The following SCAND3 variants were observed in gnomAD, a reference collection of about 807,000 sequenced individuals.
SCAND3 encodes the protein SCAN domain-containing protein 3.
At chr6:28,610,940 T>C in the SCAND3 span, among the ~76,000 whole-genome samples, 1 of 152,176 alleles carries the variant, frequency 6.6e-6, no homozygotes, top group Non-Finnish European at 1.5e-5. Flanking sequence ...GTGCTCAATT[T>C]AAAATAAAAC....
the SCAND3 span, among the ~76,000 whole-genome samples, chr6:28,609,920 C>A: frequency 6.6e-6 from 1 of 152,166 alleles, no homozygotes; most frequent in Admixed American, 6.5e-5. Flanking sequence ...GACAAACTGA[C>A]CTTCAAGAAA....
the SCAND3 span, among the ~76,000 whole-genome samples, chr6:28,615,666 A>T: frequency 9.7e-4 from 148 of 152,126 alleles, no homozygotes; most frequent in Admixed American, 2.4e-3. Flanking sequence ...CATATACAGT[A>T]GTGAGGAATA....
chr6:28,578,516 C>T, the SCAND3 span, among the ~76,000 whole-genome samples: 2 of 152,220 alleles, frequency 1.3e-5, no homozygotes, highest in African/African-American at 4.8e-5. Context: ...AGTGCTATCT[C>T]AAAATGTGAC....
chr6:28,607,178 G>A, the SCAND3 span, among the ~76,000 whole-genome samples: 5 of 152,262 alleles, frequency 3.3e-5, no homozygotes, highest in Admixed American at 6.5e-5. Flanking sequence ...CAGTGGTAGA[G>A]CGCGTGCTTA....
At chr6:28,593,289 A>G in the SCAND3 span, among the ~76,000 whole-genome samples, 1 of 152,228 alleles carries the variant, frequency 6.6e-6, no homozygotes, top group Non-Finnish European at 1.5e-5. Flanking sequence ...TACAAATGGC[A>G]ATACATATAA....
At chr6:28,593,331 G>A in the SCAND3 span, among the ~76,000 whole-genome samples, 1 of 151,642 alleles carries the variant, frequency 6.6e-6, no homozygotes, top group Admixed American at 6.6e-5. Context: ...TAAGCATGGA[G>A]GAAATGAAAA....
At chr6:28,598,868 C>A in the SCAND3 span, among the ~76,000 whole-genome samples, 1 of 106,154 alleles carries the variant, frequency 9.4e-6, no homozygotes, top group Non-Finnish European at 1.7e-5. Context: ...CAGAGTGAGA[C>A]TATGTCTCAA....
At chr6:28,572,527 C>G in the SCAND3 span, 1 of 1,613,740 alleles carries the variant, frequency 6.2e-7, no homozygotes, top group Non-Finnish European at 8.5e-7. This position sits in a 1 kb window ranked among gnomAD's most constrained non-coding sequence, Gnocchi z 4.1. Flanking sequence ...TGCATTCTTC[C>G]CTTGCATAGA....
chr6:28,574,824 A>G, the SCAND3 span: 1 of 1,614,122 alleles, frequency 6.2e-7, no homozygotes, highest in Non-Finnish European at 8.5e-7. Context: ...AGGGCACTCC[A>G]CAAATTGCAT....
the SCAND3 span, among the ~76,000 whole-genome samples, chr6:28,598,544 T>C: frequency 6.6e-6 from 1 of 152,124 alleles, no homozygotes; most frequent in African/African-American, 2.4e-5. Flanking sequence ...AAGATTTGTT[T>C]ATTTAATGAT....
chr6:28,586,075 A>G, the SCAND3 span, among the ~76,000 whole-genome samples: 1 of 152,248 alleles, frequency 6.6e-6, no homozygotes, highest in Admixed American at 6.5e-5. The surrounding 1 kb of genome is among the most constrained non-coding windows in gnomAD (Gnocchi z 4.4). Flanking sequence ...CTGGTAAAAA[A>G]TAGATCAAGC....
At chr6:28,596,206 A>G in the SCAND3 span, among the ~76,000 whole-genome samples, 1 of 152,218 alleles carries the variant, frequency 6.6e-6, no homozygotes, top group East Asian at 1.9e-4. Context: ...AAGATACAGA[A>G]AACCCAAATT....
the SCAND3 span, chr6:28,597,998 G>T: frequency 1.3e-5 from 2 of 152,148 alleles, no homozygotes; most frequent in African/African-American, 4.8e-5. Context: ...GTCAAAACGG[G>T]GTTGGAAAAA....
the SCAND3 span, among the ~76,000 whole-genome samples, chr6:28,586,110 ATTAT>A: frequency 6.6e-6 from 1 of 152,198 alleles, no homozygotes; most frequent in Non-Finnish European, 1.5e-5. The surrounding 1 kb of genome is among the most constrained non-coding windows in gnomAD (Gnocchi z 4.4). Context: ...AAATCATTTA[ATTAT>A]TTGTATCATA....
chr6:28,574,049 A>G, the SCAND3 span, among the ~76,000 whole-genome samples: 1 of 152,134 alleles, frequency 6.6e-6, no homozygotes, highest in Non-Finnish European at 1.5e-5. Context: ...ATGGGGACCT[A>G]TTGTGTTTGA....
the SCAND3 span, chr6:28,574,512 C>G: frequency 2.5e-5 from 19 of 768,040 alleles, no homozygotes; most frequent in South Asian, 3.5e-4. Flanking sequence ...AGTAATTAGG[C>G]CTTCTTTGGG....
At chr6:28,586,579 T>G in the SCAND3 span, 3 of 1,614,218 alleles carry the variant, frequency 1.9e-6, no homozygotes. The surrounding 1 kb of genome is among the most constrained non-coding windows in gnomAD (Gnocchi z 4.4). Flanking sequence ...AGTTCCCTGG[T>G]ATAAGACAAA....
chr6:28,610,973 G>A, the SCAND3 span, among the ~76,000 whole-genome samples: 1 of 152,122 alleles, frequency 6.6e-6, no homozygotes, highest in South Asian at 2.1e-4. Context: ...AATACACTAA[G>A]TATAATATTT....
At chr6:28,572,796 A>C in the SCAND3 span, 1 of 1,612,678 alleles carries the variant, frequency 6.2e-7, no homozygotes, top group Non-Finnish European at 8.5e-7. The surrounding 1 kb of genome is among the most constrained non-coding windows in gnomAD (Gnocchi z 4.1). Flanking sequence ...TCAATGAATT[A>C]GATTTTATAT....
Sources: allele counts gnomAD v4.1 joint callset (sites outside exome capture counted in the v4.1 genomes callset), GRCh38; gene constraint gnomAD v4.1.1; non-coding constraint Gnocchi (gnomAD v3.1); transcripts MANE v1.5; gene names NCBI Gene and HGNC (gene_info 2026-07-23, HGNC 2026-07-21).